Variants in INPP4B observed in about 807,000 individuals in gnomAD.
The protein encoded by INPP4B is inositol polyphosphate-4-phosphatase type II B.
In INPP4B, 55 loss-of-function variants were observed where a neutral mutation model predicts 122.5. That is an observed-to-expected ratio of 0.45 (90% confidence interval 0.36 to 0.56). The LOEUF (loss-of-function observed/expected upper bound fraction) is 0.56. Ranked by LOEUF, INPP4B falls within the 20% of genes least tolerant of loss-of-function variation. The pLI is 0.00. For missense variants in INPP4B, 1,000 were observed against 1,097.7 expected (o/e 0.91, Z 1.26); for synonymous variants, 403 against 388.7 (o/e 1.04, Z -0.43).
intron 15 of INPP4B, among the ~76,000 whole-genome samples, chr4:142,179,770 C>T (rs891491730): frequency 2.0e-5 from 3 of 152,124 alleles, no homozygotes; most frequent in Non-Finnish European, 4.4e-5. Flanking sequence ...TATTATATGA[C>T]CTTTAAATAA....
At chr4:142,508,398 G>A (rs772314630) in intron 2 of INPP4B, among the ~76,000 whole-genome samples, 8 of 152,022 alleles carry the variant, frequency 5.3e-5, no homozygotes, top group East Asian at 1.9e-4. Flanking sequence ...TCAGCCTCCC[G>A]AGGTAGCTGG....
chr4:142,260,902 C>A (rs1464140739), intron 10 of INPP4B, among the ~76,000 whole-genome samples: 1 of 152,140 alleles, frequency 6.6e-6, no homozygotes, highest in Non-Finnish European at 1.5e-5. Context: ...ATTTCTTTCA[C>A]CTGAGCTAAT....
intron 6 of INPP4B, among the ~76,000 whole-genome samples, chr4:142,404,266 C>T (rs150146382): frequency 4.9e-4 from 74 of 152,250 alleles, no homozygotes; most frequent in African/African-American, 1.7e-3. Flanking sequence ...ATCATTTATT[C>T]CACCACCGCA....
Position 142,403,133 on chromosome 4 carries a change from T to A in INPP4B, c.256-79A>T, listed in dbSNP as rs1046401214. ...GCAGCACGCAAGTGACACATGAGAA[T>A]GCAGAAAGTGTGCCTGAGTCTGTTT... On this transcript the variant is annotated intron_variant, in intron 6 of 25. Coordinates refer to ENST00000262992, the MANE Select transcript of INPP4B (RefSeq NM_001101669.3). 3.8e-6 allele frequency: 3 copies of A among 782,334 alleles called. No individual in the cohort carries two copies. The African/African-American group carries it at 5.1e-5, about 13-fold the overall frequency. The allele number at this position is 782,334 out of a possible 1,614,324, so 48.5% of individuals were successfully genotyped here.
At chr4:142,122,619 T>C (rs1797027941) in intron 20 of INPP4B, among the ~76,000 whole-genome samples, 1 of 152,052 alleles carries the variant, frequency 6.6e-6, no homozygotes. Context: ...TTCATGCTAG[T>C]TTTGCATCTC....
intron 2 of INPP4B, among the ~76,000 whole-genome samples, chr4:142,539,532 C>T (rs1828690575): frequency 6.6e-6 from 1 of 151,986 alleles, no homozygotes; most frequent in Admixed American, 6.6e-5. Context: ...TTTGCCGCTC[C>T]CTTCCTTTTG....
rs1264609324 is a variant in INPP4B, at chr4:142,023,402, T to C, written c.*5380A>G. ...ACCACAAAAACCTAAAAGTTAAATG[T>C]TAGATTAAATAAAATTATAAAATAT... On this transcript the variant is annotated 3_prime_UTR_variant, in exon 26 of 26. Coordinates refer to ENST00000262992, the MANE Select transcript of INPP4B (RefSeq NM_001101669.3). 1 of 152,152 alleles carries C rather than the reference T, an allele frequency of 6.6e-6. No homozygotes were observed. Among genetic ancestry groups the C allele is most frequent in the East Asian group, 1.9e-4 (1 of 5,194 alleles). 9.4% of individuals were successfully genotyped at this position (152,152 alleles called of 1,614,324 possible). A position where few individuals can be genotyped will look rare whatever the true frequency, so the allele number is the denominator to read the frequency against.
At chr4:142,571,288 A>C (rs1177704008) in intron 2 of INPP4B, among the ~76,000 whole-genome samples, 1 of 152,008 alleles carries the variant, frequency 6.6e-6, no homozygotes, top group Non-Finnish European at 1.5e-5. Flanking sequence ...ATCCTGAGCA[A>C]TTTAAAAAAA....
intron 10 of INPP4B, among the ~76,000 whole-genome samples, chr4:142,269,818 C>T (rs1242550702): frequency 2.0e-5 from 3 of 151,946 alleles, no homozygotes; most frequent in Non-Finnish European, 4.4e-5. Flanking sequence ...TTACATTGTA[C>T]CCCAGAAGTA....
rs114254320 is a variant in INPP4B at position 142,552,400 on chromosome 4, A to G, written c.-190-89674T>C. On this transcript the variant is annotated intron_variant, in intron 2 of 25. Coordinates refer to ENST00000262992, the MANE Select transcript of INPP4B (RefSeq NM_001101669.3). ...GTTTATTAAGTAAACTAACCTAATT[A>G]TATAGAGAATTCCTTAAAACTTGAA... Among the ~76,000 whole-genome samples the G allele has an allele frequency of 1.6e-3, 244 of 152,032 alleles. 1 individual carries two copies. The highest frequency in any genetic ancestry group is 5.8e-3 in the African/African-American group (242 of 41,460).
At chr4:142,661,227 A>T (rs1240838398) in intron 2 of INPP4B, among the ~76,000 whole-genome samples, 1 of 152,176 alleles carries the variant, frequency 6.6e-6, no homozygotes. Flanking sequence ...TGGCCTTGGG[A>T]TGGACAAGAA....
chr4:142,087,221 C>T (rs956837528), intron 23 of INPP4B, among the ~76,000 whole-genome samples: 2 of 152,088 alleles, frequency 1.3e-5, no homozygotes, highest in African/African-American at 4.8e-5. Context: ...ATATATCCTG[C>T]TTGAGAACCA....
At chr4:142,702,529 A>G (rs1761933573) in intron 2 of INPP4B, among the ~76,000 whole-genome samples, 2 of 152,128 alleles carry the variant, frequency 1.3e-5, no homozygotes, top group Admixed American at 1.3e-4. Flanking sequence ...GTTCGAGACC[A>G]GCTTGACCAA....
Position 142,027,221 on chromosome 4 carries a change from G to A in INPP4B, c.*1561C>T, listed in dbSNP as rs1474337829. ...CTAAAATAAAAAATTGATAATTCTA[G>A]TATAAAAAGCTCCAAATGCTTATCT... is the stretch of plus-strand genomic sequence containing the variant. On this transcript the variant is annotated 3_prime_UTR_variant, in exon 26 of 26. Coordinates refer to ENST00000262992, the MANE Select transcript of INPP4B (RefSeq NM_001101669.3). 6.6e-6 allele frequency: 1 copy of A among 152,138 alleles called. No homozygotes were observed. Among genetic ancestry groups the A allele is most frequent in the Admixed American group, 6.5e-5 (1 of 15,268 alleles). The allele number at this position is 152,138 out of a possible 1,614,324, so 9.4% of individuals were successfully genotyped here. A position where few individuals can be genotyped will look rare whatever the true frequency, so the allele number is the denominator to read the frequency against.
intron 7 of INPP4B, among the ~76,000 whole-genome samples, chr4:142,339,275 T>G (rs1777881153): frequency 3.3e-5 from 5 of 152,220 alleles, no homozygotes; most frequent in Admixed American, 3.3e-4. Flanking sequence ...TGTTTGCTAC[T>G]GGGACTCTGA....
At chr4:142,399,189 CTTTTTTTTTTTTTTTT>C (rs70949166) in intron 7 of INPP4B, among the ~76,000 whole-genome samples, 6 of 56,948 alleles carry the variant, frequency 1.1e-4, no homozygotes, top group Non-Finnish European at 1.8e-4. Context: ...TTTCCTTTTG[CTTTTTTTTTTTTTTTT>C]TTTTTTTTTT....
chr4:142,436,021 A>G (rs1343254733), intron 3 of INPP4B, among the ~76,000 whole-genome samples: 1 of 152,194 alleles, frequency 6.6e-6, no homozygotes, highest in Non-Finnish European at 1.5e-5. Flanking sequence ...CCAGTGGGGA[A>G]GGGCGGCAGC....
intron 2 of INPP4B, among the ~76,000 whole-genome samples, chr4:142,720,940 A>G (rs1025352348): frequency 7.1e-6 from 1 of 140,000 alleles, no homozygotes; most frequent in Non-Finnish European, 1.5e-5. Context: ...GATTTTCAGC[A>G]TCATATATAT....
chr4:142,690,264 A>G (rs527764939), intron 2 of INPP4B, among the ~76,000 whole-genome samples: 1 of 152,328 alleles, frequency 6.6e-6, no homozygotes, highest in East Asian at 1.9e-4. Flanking sequence ...GTGCAGGTAG[A>G]TAAAGGAACA....
Sources: allele counts gnomAD v4.1 joint callset (sites outside exome capture counted in the v4.1 genomes callset), GRCh38; gene constraint gnomAD v4.1.1; transcripts MANE v1.5; gene names NCBI Gene and HGNC (gene_info 2026-07-23, HGNC 2026-07-21).